The following LRRK2 variants were observed in gnomAD, a reference collection of about 807,000 sequenced individuals.
LRRK2 encodes leucine rich repeat kinase 2.
A neutral mutation model predicts 302.6 loss-of-function variants in LRRK2; 203 were observed. The ratio of observed to expected loss-of-function variants is 0.67; its 90% confidence interval spans 0.60 to 0.75. LRRK2 has a LOEUF of 0.75. LRRK2 is among the 30% of genes least tolerant of loss of function. The probability of loss-of-function intolerance (pLI) is 0.00; values close to 1 mark genes in which losing one functional copy is unlikely to be tolerated. For synonymous variants in LRRK2, 1,066 were observed against 1,031.9 expected, an observed-to-expected ratio of 1.03 and a Z score of -0.63; for missense variants, 2,830 against 2,951.0, an observed-to-expected ratio of 0.96 and a Z score of 0.95.
intron 25 of LRRK2, among the ~76,000 whole-genome samples, chr12:40,299,640 T>C (rs1223227164): frequency 6.6e-6 from 1 of 152,110 alleles, no homozygotes; most frequent in African/African-American, 2.4e-5. Context: ...AACTGTTTTG[T>C]ATACTATAGA....
chr12:40,367,495 T>C, intron 50 of LRRK2, 149 bp from the exon 51 acceptor site: 1 of 619,116 alleles, frequency 1.6e-6, no homozygotes, highest in Non-Finnish European at 2.5e-6. Context: ...TATAGTTTTT[T>C]ATAAATAATA....
intron 28 of LRRK2, among the ~76,000 whole-genome samples, chr12:40,306,951 A>G (rs1944845847): frequency 6.6e-6 from 1 of 152,048 alleles, no homozygotes; most frequent in South Asian, 2.1e-4. Flanking sequence ...GAAACTGGAA[A>G]AGATGGTCAT....
intron 39 of LRRK2, 56 bp from the exon 40 acceptor site, chr12:40,334,911 A>C: frequency 6.3e-7 from 1 of 1,576,566 alleles, no homozygotes; most frequent in South Asian, 1.1e-5. Context: ...AAAGAAGGAG[A>C]TACGTGGGTA....
At chr12:40,261,556 G>A (rs1315222219) in intron 13 of LRRK2, among the ~76,000 whole-genome samples, 1 of 152,048 alleles carries the variant, frequency 6.6e-6, no homozygotes, top group Non-Finnish European at 1.5e-5. Flanking sequence ...ATCATTTACT[G>A]TATGCTAACA....
intron 30 of LRRK2, among the ~76,000 whole-genome samples, chr12:40,309,893 A>AT (rs1467481702): frequency 4.6e-5 from 7 of 152,222 alleles, no homozygotes. Flanking sequence ...TAATTTGGGT[A>AT]TTTTTTAATG....
intron 7 of LRRK2, among the ~76,000 whole-genome samples, chr12:40,249,310 T>C (rs922962226): frequency 6.6e-6 from 1 of 151,062 alleles, no homozygotes; most frequent in African/African-American, 2.4e-5. Flanking sequence ...TTGGAGGTGG[T>C]GAAATACCTT....
intron 19 of LRRK2, chr12:40,286,306 C>T (rs1001011959): frequency 4.6e-5 from 7 of 151,866 alleles, no homozygotes; most frequent in African/African-American, 7.3e-5. Flanking sequence ...TACCGGGCTT[C>T]GGGATAATTT....
intron 26 of LRRK2, among the ~76,000 whole-genome samples, 185 bp downstream of exon 26, chr12:40,303,067 A>G (rs1044770025): frequency 1.3e-5 from 2 of 152,138 alleles, no homozygotes; most frequent in Non-Finnish European, 2.9e-5. Flanking sequence ...GGAAACTTTT[A>G]TATTTATTTA....
chr12:40,345,047 GTC>G (rs796086265), intron 41 of LRRK2, among the ~76,000 whole-genome samples: 2 of 152,072 alleles, frequency 1.3e-5, no homozygotes, highest in South Asian at 4.1e-4. Context: ...TTTGCTGGTA[GTC>G]TCTCTGTCAA....
At chr12:40,266,071 C>G (rs1023612102) in intron 14 of LRRK2, among the ~76,000 whole-genome samples, 7 of 152,194 alleles carry the variant, frequency 4.6e-5, no homozygotes, top group African/African-American at 1.7e-4. Context: ...CTAAGCAATA[C>G]TATTCAGGAC....
At chr12:40,270,530 T>G (rs1289492458) in intron 14 of LRRK2, among the ~76,000 whole-genome samples, 1 of 152,120 alleles carries the variant, frequency 6.6e-6, no homozygotes, top group East Asian at 1.9e-4. Flanking sequence ...TTGTTGGTTG[T>G]AAAATATTGT....
At chr12:40,276,480 GA>G (rs1204082367) in intron 16 of LRRK2, among the ~76,000 whole-genome samples, 1 of 152,154 alleles carries the variant, frequency 6.6e-6, no homozygotes, top group Non-Finnish European at 1.5e-5. Flanking sequence ...ATTTTTAGCT[GA>G]GATGGGGTTT....
rs1222262387 is a variant in LRRK2, at chr12:40,364,886, C to G, written c.7226C>G (p.Ser2409Cys). ...AACAAGGAATCAAAACACAAAATGT[C>G]TTATTCTGGGAGAGTGAAAACCCTC... is the stretch of plus-strand genomic sequence containing the variant. The part of the protein sequence containing the change: ...KENKESKHKM[S>C]YSGRVKTLCL... Residue 2409 changes from serine (S) to cysteine (C), a missense_variant, in exon 49 of 51, where the codon TCT becomes TGT. Coordinates refer to ENST00000298910, the MANE Select transcript of LRRK2 (RefSeq NM_198578.4). 2.5e-6 allele frequency: 4 copies of G among 1,612,114 alleles called. No homozygotes were observed. The highest frequency in any genetic ancestry group is 3.3e-5 in the Admixed American group (2 of 59,764).
chr12:40,310,365 C>T, intron 30 of LRRK2, 66 bp from the exon 31 acceptor site: 1 of 1,452,486 alleles, frequency 6.9e-7, no homozygotes, highest in Non-Finnish European at 9.7e-7. Flanking sequence ...AAGCAAATAT[C>T]AACAGGAATG....
At chr12:40,264,755 A>T (rs1403693374) in intron 14 of LRRK2, among the ~76,000 whole-genome samples, 1 of 152,236 alleles carries the variant, frequency 6.6e-6, no homozygotes, top group Non-Finnish European at 1.5e-5. Context: ...GCATTTACAT[A>T]TCCATGTTCC....
intron 43 of LRRK2, among the ~76,000 whole-genome samples, chr12:40,349,347 A>G (rs1280128345): frequency 6.6e-6 from 1 of 152,146 alleles, no homozygotes; most frequent in Non-Finnish European, 1.5e-5. Flanking sequence ...TTTCTCATCC[A>G]GGAATATTTT....
At chr12:40,358,760 A>T (rs1445169125) in intron 46 of LRRK2, among the ~76,000 whole-genome samples, 2 of 151,986 alleles carry the variant, frequency 1.3e-5, no homozygotes, top group East Asian at 3.9e-4. Context: ...TCTGTGAGAA[A>T]TATCATTGGA....
intron 6 of LRRK2, 149 bp from the exon 7 acceptor site, chr12:40,243,401 T>A: frequency 1.2e-6 from 1 of 801,686 alleles, no homozygotes; most frequent in Non-Finnish European, 2.1e-6. Context: ...TAGTATTTTT[T>A]ACAGCTACTT....
chr12:40,328,305 A>T, intron 38 of LRRK2, 55 bp from the exon 39 acceptor site: 2 of 1,298,520 alleles, frequency 1.5e-6, no homozygotes, highest in Non-Finnish European at 2.2e-6. Flanking sequence ...TAATTTATTT[A>T]GTTTTTTTCG....
Sources: allele counts gnomAD v4.1 joint callset (sites outside exome capture counted in the v4.1 genomes callset), GRCh38; gene constraint gnomAD v4.1.1; transcripts MANE v1.5; gene names NCBI Gene and HGNC (gene_info 2026-07-23, HGNC 2026-07-21).